The following TNR variants were observed in gnomAD, a reference collection of about 807,000 sequenced individuals.
TNR encodes tenascin-R.
In TNR, 45 loss-of-function variants were observed where a neutral mutation model predicts 150.4. The observed-to-expected ratio is 0.30, with a 90% CI of 0.24 to 0.38. The LOEUF is 0.38. TNR is among the 10% of genes least tolerant of loss of function. The pLI is 1.00. For missense variants in TNR, 1,544 were observed against 1,759.1 expected (o/e 0.88, Z 2.19); for synonymous variants, 687 against 678.4 (o/e 1.01, Z -0.20).
chr1:175,380,361 A>C (rs1201861715), intron 8 of TNR, among the ~76,000 whole-genome samples: 1 of 152,106 alleles, frequency 6.6e-6, no homozygotes, highest in Non-Finnish European at 1.5e-5. Flanking sequence ...ACCTCTGTAA[A>C]AGGGGCAAAT....
chr1:175,472,939 G>T (rs998924222), intron 2 of TNR, among the ~76,000 whole-genome samples: 1 of 152,206 alleles, frequency 6.6e-6, no homozygotes, highest in Non-Finnish European at 1.5e-5. Flanking sequence ...AGCTTTGGGA[G>T]ATGACACTGA....
intron 2 of TNR, among the ~76,000 whole-genome samples, chr1:175,418,752 T>C (rs1654622584): frequency 1.4e-5 from 2 of 147,160 alleles, no homozygotes; most frequent in Non-Finnish European, 3.0e-5. Context: ...TGAAGCAGAG[T>C]AGAGAATGAG....
chr1:175,733,258 G>C (rs1667688913), intron 1 of TNR, among the ~76,000 whole-genome samples: 1 of 152,226 alleles, frequency 6.6e-6, no homozygotes, highest in Non-Finnish European at 1.5e-5. Context: ...CACAGAGTTA[G>C]TGAATGTCAG....
chr1:175,575,219 T>C (rs1662051409), intron 1 of TNR, among the ~76,000 whole-genome samples: 1 of 152,234 alleles, frequency 6.6e-6, no homozygotes, highest in Non-Finnish European at 1.5e-5. Flanking sequence ...CCTGGGTCCC[T>C]GAGAAACTAA....
chr1:175,608,313 C>T (rs1191336573), intron 1 of TNR, among the ~76,000 whole-genome samples: 1 of 152,200 alleles, frequency 6.6e-6, no homozygotes, highest in African/African-American at 2.4e-5. Flanking sequence ...CTGCCTTTTA[C>T]ATTTGCTGAA....
intron 7 of TNR, among the ~76,000 whole-genome samples, chr1:175,386,742 C>T (rs1652956051): frequency 6.6e-6 from 1 of 152,172 alleles, no homozygotes; most frequent in Non-Finnish European, 1.5e-5. Flanking sequence ...CCAAGACTTC[C>T]AGATTGGTTG....
At chr1:175,588,404 A>G (rs939939486) in intron 1 of TNR, among the ~76,000 whole-genome samples, 3 of 152,252 alleles carry the variant, frequency 2.0e-5, no homozygotes, top group African/African-American at 7.2e-5. Context: ...TTAAGTGAAC[A>G]CATCTTTCAG....
Position 175,362,782 on chromosome 1 carries a change from G to A in TNR, c.2735C>T (p.Pro912Leu), listed in dbSNP as rs201814091. ...QVGRLDSSVV[P>L]NTVTEFTITR... ...GATGGTGAATTCTGTCACAGTGTTG[G>A]GCACCACTGAGCTGTCTAGTCGTCC... The change falls in exon 14 of 23, where the codon CCC (proline) becomes CTC (leucine). Residue 912 changes from proline (P) to leucine (L), a missense_variant. Physicochemically the swap from Pro to Leu is moderately conservative, Grantham distance 98. This residue lies in a region of TNR where 1,254 missense variants were observed against 1,329.4 expected (regional missense o/e 0.94). Coordinates refer to ENST00000367674, the MANE Select transcript of TNR (RefSeq NM_003285.3). 7 of 1,614,090 alleles carry A rather than the reference G, an allele frequency of 4.3e-6. No homozygotes were observed. The highest frequency in any genetic ancestry group is 5.9e-6 in the Non-Finnish European group (7 of 1,179,996).
chr1:175,693,940 G>C (rs1459476517), intron 1 of TNR, among the ~76,000 whole-genome samples: 1 of 152,178 alleles, frequency 6.6e-6, no homozygotes, highest in African/African-American at 2.4e-5. Flanking sequence ...TAAAGACTTA[G>C]CTGAGGAATG....
intron 1 of TNR, among the ~76,000 whole-genome samples, chr1:175,590,271 A>C (rs1377762263): frequency 6.6e-6 from 1 of 152,224 alleles, no homozygotes; most frequent in Non-Finnish European, 1.5e-5. Context: ...TATGTTGTAC[A>C]TCTTAAATTT....
intron 2 of TNR, among the ~76,000 whole-genome samples, chr1:175,418,162 A>G (rs1282185532): frequency 6.6e-6 from 1 of 152,198 alleles, no homozygotes; most frequent in Admixed American, 6.5e-5. Flanking sequence ...TGCCAGGAAC[A>G]GGACTAGGTT....
intron 9 of TNR, among the ~76,000 whole-genome samples, chr1:175,371,029 T>C: frequency 6.6e-6 from 1 of 151,470 alleles, no homozygotes; most frequent in East Asian, 2.0e-4. Context: ...TACAAGTGAA[T>C]TGTTGCTCTT....
chr1:175,597,492 C>T (rs183390107), intron 1 of TNR, among the ~76,000 whole-genome samples: 10 of 152,328 alleles, frequency 6.6e-5, no homozygotes, highest in Admixed American at 2.0e-4. Context: ...TTGCTGAATG[C>T]ATGAATGCTA....
chr1:175,349,311 G>T (rs1030123184), intron 18 of TNR, among the ~76,000 whole-genome samples: 1 of 152,348 alleles, frequency 6.6e-6, no homozygotes. Flanking sequence ...AGCACCATTT[G>T]TGGTGGTGGG....
intron 7 of TNR, 139 bp downstream of exon 7, chr1:175,391,149 A>T (rs1215012292): frequency 8.8e-6 from 9 of 1,017,912 alleles, no homozygotes; most frequent in Non-Finnish European, 1.1e-5. Context: ...GAGTAGCTCC[A>T]TTGCCAGGTA....
At chr1:175,325,800 T>C (rs977556360) in intron 21 of TNR, among the ~76,000 whole-genome samples, 9 of 150,440 alleles carry the variant, frequency 6.0e-5, no homozygotes, top group African/African-American at 2.0e-4. Flanking sequence ...TTCTCACTCA[T>C]AGGTGGGAAT....
chr1:175,417,458 T>G (rs1485382), intron 2 of TNR, among the ~76,000 whole-genome samples: 23,314 of 152,148 alleles, frequency 0.15, 1,911 homozygotes, highest in Middle Eastern at 0.25. Flanking sequence ...TAAAGTTGAT[T>G]AACAGTGAAA....
intron 2 of TNR, among the ~76,000 whole-genome samples, chr1:175,492,837 T>G (rs1658319744): frequency 1.3e-5 from 2 of 152,182 alleles, no homozygotes; most frequent in African/African-American, 2.4e-5. Context: ...TTTTATGTAT[T>G]TTTGAAATTT....
At chr1:175,415,292 G>A (rs933478160) in intron 2 of TNR, among the ~76,000 whole-genome samples, 2 of 152,312 alleles carry the variant, frequency 1.3e-5, no homozygotes, top group South Asian at 2.1e-4. Context: ...TGGAGGCAGC[G>A]CTGGGCTGCT....
Sources: allele counts gnomAD v4.1 joint callset (sites outside exome capture counted in the v4.1 genomes callset), GRCh38; gene constraint gnomAD v4.1.1; regional missense constraint gnomAD v4.1.1; transcripts MANE v1.5; gene names NCBI Gene and HGNC (gene_info 2026-07-23, HGNC 2026-07-21).